The following TMEM101 variants were observed in gnomAD, a reference collection of about 807,000 sequenced individuals.
TMEM101 encodes putative NF-kappa-B-activating protein 130.
TMEM101 carries 14 observed loss-of-function variants against 26.0 expected under a neutral mutation model. The observed-to-expected ratio is 0.54, with a 90% CI of 0.36 to 0.84. The LOEUF is 0.84. TMEM101 is among the 40% of genes least tolerant of loss of function. The pLI is 0.01. For synonymous variants in TMEM101, 152 were observed against 145.1 expected, an observed-to-expected ratio of 1.05 and a Z score of -0.34; for missense variants, 292 against 345.1, an observed-to-expected ratio of 0.85 and a Z score of 1.22.
rs2049185707 is a variant in TMEM101, at chr17:44,013,250, A to G, written c.319-95T>C. 4 of 1,215,754 alleles carry G rather than the reference A, an allele frequency of 3.3e-6. No individual in the cohort carries two copies. In the African/African-American group the frequency reaches 6.1e-5, roughly 19 times the overall value. The allele number at this position is 1,215,754 out of a possible 1,614,324, so 75.3% of individuals were successfully genotyped here. A position where few individuals can be genotyped will look rare whatever the true frequency, so the allele number is the denominator to read the frequency against. On this transcript the variant is annotated intron_variant, in intron 2 of 3. Coordinates refer to ENST00000206380, the MANE Select transcript of TMEM101 (RefSeq NM_032376.4). ...AGAACCACCCCTCTCTACACATCCC[A>G]TTCCATCTGATGAACCCTCTTACAT...
At chr17:44,016,016 C>T (rs2049226679), upstream of TMEM101, among the ~76,000 whole-genome samples, 1 of 152,000 alleles carries the variant, frequency 6.6e-6, no homozygotes, top group South Asian at 2.1e-4. Context: ...TGTTCTCAGC[C>T]CCTTCTCCCA....
chr17:44,014,008 CA>C (rs2049194385), intron 2 of TMEM101, among the ~76,000 whole-genome samples: 1 of 152,168 alleles, frequency 6.6e-6, no homozygotes, highest in Admixed American at 6.5e-5. Context: ...AGGTACTCTC[CA>C]AGGTCCTTTG....
intron 2 of TMEM101, 112 bp from the exon 3 acceptor site, chr17:44,013,267 C>G (rs1402729775): frequency 1.3e-5 from 14 of 1,113,888 alleles, no homozygotes; most frequent in African/African-American, 3.2e-5. Context: ...CTGATGAACC[C>G]TCTTACATTT....
upstream of TMEM101, among the ~76,000 whole-genome samples, chr17:44,015,634 C>G (rs1276377638): frequency 2.0e-5 from 3 of 152,134 alleles, no homozygotes; most frequent in African/African-American, 4.8e-5. Flanking sequence ...ACTTCGTGAT[C>G]CGCCCGCCTC....
chr17:44,013,152 G>A lies in TMEM101; in HGVS notation c.322C>T (p.Arg108Cys), dbSNP rs574996528. The change falls in exon 3 of 4, where the codon CGT becomes TGT. Residue 108 changes from arginine to cysteine, a missense_variant. By Grantham distance (180) the Arg-to-Cys change is radical. This residue lies in a region of TMEM101 where 149 missense variants were observed against 211.9 expected (regional missense o/e 0.70). Coordinates refer to ENST00000206380, the MANE Select transcript of TMEM101 (RefSeq NM_032376.4). ...ATGGCAACTGTGCGCGAGTACATAC[G>A]GACCTAGGCCGGGGTAAGGGGACCC... ...YVHYGDWLKV[R>C]MYSRTVAIIG... 19 of 1,570,680 alleles carry A rather than the reference G, an allele frequency of 1.2e-5. No individual in the cohort carries two copies. Among genetic ancestry groups the A allele is most frequent in the Non-Finnish European group, 1.5e-5 (17 of 1,150,364 alleles).
chr17:44,021,673 T>A (rs1057449930), intron 1 of TMEM101, among the ~76,000 whole-genome samples: 1 of 152,216 alleles, frequency 6.6e-6, no homozygotes, highest in South Asian at 2.1e-4. Context: ...CGAGGACGGC[T>A]ACCAATTCAG....
upstream of TMEM101, among the ~76,000 whole-genome samples, chr17:44,017,593 C>CAAAAA (rs1242207636): frequency 1.3e-5 from 1 of 75,174 alleles, no homozygotes; most frequent in African/African-American, 5.9e-5. Flanking sequence ...GACAACATCT[C>CAAAAA]AAAAAAAAAA....
chr17:44,021,784 G>A (rs1031424493), intron 1 of TMEM101, among the ~76,000 whole-genome samples: 1 of 152,230 alleles, frequency 6.6e-6, no homozygotes, highest in African/African-American at 2.4e-5. Context: ...TTGAAGCAGA[G>A]GTGCTCCGTT....
In TMEM101 at chr17:44,011,641, T is replaced by G. The variant is rs1315344912; in HGVS notation, c.*287A>C. On this transcript the variant is annotated 3_prime_UTR_variant, in exon 4 of 4. Transcript: ENST00000206380. ...CAGTAGCCGCATCCCAGCCCTGCCA[T>G]ACTCCCTTCTCAGGGACAGGAGACT... 1 of 451,230 alleles carries G rather than the reference T, an allele frequency of 2.2e-6. No individual in the cohort carries two copies. Among genetic ancestry groups the G allele is most frequent in the African/African-American group, 2.0e-5 (1 of 50,520 alleles). 28.0% of individuals were successfully genotyped at this position (451,230 alleles called of 1,614,324 possible).
In TMEM101 at chr17:44,011,727, G is replaced by C. The variant is rs2049159430; in HGVS notation, c.*201C>G. The C allele has an allele frequency of 1.6e-6, 1 of 607,188 alleles. No homozygotes were observed. Among genetic ancestry groups the C allele is most frequent in the Non-Finnish European group, 2.9e-6 (1 of 349,044 alleles). 37.6% of individuals were successfully genotyped at this position (607,188 alleles called of 1,614,324 possible). A position where few individuals can be genotyped will look rare whatever the true frequency, so the allele number is the denominator to read the frequency against. On this transcript the variant is annotated 3_prime_UTR_variant, in exon 4 of 4. Coordinates refer to ENST00000206380, the MANE Select transcript of TMEM101 (RefSeq NM_032376.4). ...AAAAACCTGTACAGCATTAGTGCCAGGGCTCCTGCCCTCCCAAGCGCTGAG... is the reference window on the plus strand; with the variant it reads ...AAAAACCTGTACAGCATTAGTGCCACGGCTCCTGCCCTCCCAAGCGCTGAG...
chr17:44,017,181 C>T (rs1025685788), upstream of TMEM101, among the ~76,000 whole-genome samples: 26 of 150,470 alleles, frequency 1.7e-4, no homozygotes, highest in African/African-American at 4.9e-4. Context: ...CCCACCAGGC[C>T]GGGTGTGGTG....
chr17:44,023,160 C>G (rs1018287162), upstream of TMEM101: 29 of 203,752 alleles, frequency 1.4e-4, no homozygotes, highest in African/African-American at 6.2e-4. Context: ...GGGACCCTAG[C>G]TCTTTTGTAA....
rs778994182 is a variant in TMEM101, at chr17:44,011,911, G to T, written c.*17C>A. On this transcript the variant is annotated 3_prime_UTR_variant, in exon 4 of 4. Transcript: ENST00000206380. The stretch of plus-strand genomic sequence containing the variant: ...TCAGTGGCTCCCTGTGCCCATCTCA[G>T]CCTCTTGCCATAAAACTCAGCCATC... 6.3e-6 allele frequency: 10 copies of T among 1,590,978 alleles called. No homozygotes were observed. Among genetic ancestry groups the T allele is most frequent in the Non-Finnish European group, 7.7e-6 (9 of 1,165,850 alleles).
rs2049153445 is a variant in TMEM101 at position 44,011,250 on chromosome 17, C to G, written c.*678G>C. On this transcript the variant is annotated 3_prime_UTR_variant, in exon 4 of 4. Transcript: ENST00000206380. ...GTCTGGTGTTTGGGAGGGAACTCCA[C>G]CCCCACCAGGCCAACCATGGAGCTA... 1 of 152,238 alleles carries G rather than the reference C, an allele frequency of 6.6e-6. No homozygotes were observed. Among genetic ancestry groups the G allele is most frequent in the Non-Finnish European group, 1.5e-5 (1 of 68,082 alleles). The allele number at this position is 152,238 out of a possible 1,614,324, so 9.4% of individuals were successfully genotyped here.
In TMEM101 at chr17:44,013,102, G is replaced by A; in HGVS notation, c.372C>T (p.Ala124=). The A allele has an allele frequency of 6.2e-7, 1 of 1,609,100 alleles. No homozygotes were observed. The highest frequency in any genetic ancestry group is 8.5e-7 in the Non-Finnish European group (1 of 1,176,536). Reference sequence around the variant, plus strand: ...GGCGGTACAGCTCCCCAGCACCGCTGGCCAACACAAGAAAGCCGCCGATGA... The same window carrying A: ...GGCGGTACAGCTCCCCAGCACCGCTAGCCAACACAAGAAAGCCGCCGATGA... The part of the protein sequence containing the change: ...VAIIGGFLVL[A]SGAGELYRRK... The change falls in exon 3 of 4, where the codon GCC becomes GCT. Residue 124 remains alanine, a synonymous_variant. Coordinates refer to ENST00000206380, the MANE Select transcript of TMEM101 (RefSeq NM_032376.4).
At chr17:44,021,818 T>C (rs953668558) in intron 1 of TMEM101, among the ~76,000 whole-genome samples, 5 of 152,236 alleles carry the variant, frequency 3.3e-5, no homozygotes, top group Non-Finnish European at 2.9e-5. Flanking sequence ...AACAGCAAGC[T>C]AACAATTTCT....
intron 2 of TMEM101, among the ~76,000 whole-genome samples, chr17:44,013,426 G>A (rs144239239): frequency 3.3e-5 from 5 of 152,290 alleles, no homozygotes; most frequent in African/African-American, 9.6e-5. Context: ...TTGGGAGGCC[G>A]AGGCAGGTGG....
chr17:44,022,373 G>C (rs1034915353), intron 1 of TMEM101, among the ~76,000 whole-genome samples: 2 of 152,138 alleles, frequency 1.3e-5, no homozygotes, highest in Non-Finnish European at 2.9e-5. Flanking sequence ...CCAGTACACT[G>C]ACTGGGCCAC....
chr17:44,012,253 C>T lies in TMEM101; in HGVS notation c.466-17G>A. Reference sequence around the variant, plus strand: ...TGAGTAGGCCTGGAGACATAACATCCTCTAAGACTCTCCAACAGGCTCAGA... The same window carrying T: ...TGAGTAGGCCTGGAGACATAACATCTTCTAAGACTCTCCAACAGGCTCAGA... On this transcript the variant is annotated splice_polypyrimidine_tract_variant and intron_variant, in intron 3 of 3. Transcript: ENST00000206380. 1.9e-6 allele frequency: 3 copies of T among 1,589,102 alleles called. No homozygotes were observed. The highest frequency in any genetic ancestry group is 2.6e-6 in the Non-Finnish European group (3 of 1,165,346).
Sources: allele counts gnomAD v4.1 joint callset (sites outside exome capture counted in the v4.1 genomes callset), GRCh38; gene constraint gnomAD v4.1.1; regional missense constraint gnomAD v4.1.1; transcripts MANE v1.5; gene names NCBI Gene and HGNC (gene_info 2026-07-23, HGNC 2026-07-21).